The following VOPP1 variants were observed in gnomAD, a reference collection of about 807,000 sequenced individuals.
The protein encoded by VOPP1 is WW domain binding protein VOPP1.
A neutral mutation model predicts 23.5 loss-of-function variants in VOPP1; 8 were observed. The observed-to-expected ratio is 0.34, with a 90% CI of 0.20 to 0.61. The LOEUF (loss-of-function observed/expected upper bound fraction) is 0.61. Ranked by LOEUF, VOPP1 falls within the 20% of genes least tolerant of loss-of-function variation. VOPP1 has a pLI of 0.78. For synonymous variants in VOPP1, 83 were observed against 97.3 expected (o/e 0.85, Z 0.86); for missense variants, 174 against 238.1 (o/e 0.73, Z 1.77).
At chr7:55,439,638 C>G (rs973768530) in intron 4 of VOPP1, among the ~76,000 whole-genome samples, 2 of 152,120 alleles carry the variant, frequency 1.3e-5, no homozygotes, top group African/African-American at 4.8e-5. Flanking sequence ...GGCTGGTGTC[C>G]CGGGACTAGG....
At chr7:55,550,978 C>G (rs1797582596) in intron 1 of VOPP1, among the ~76,000 whole-genome samples, 1 of 152,118 alleles carries the variant, frequency 6.6e-6, no homozygotes, top group African/African-American at 2.4e-5. Context: ...AAAATGAGAA[C>G]TAAGAGACAC....
intron 1 of VOPP1, 43 bp from the exon 2 acceptor site, chr7:55,521,173 C>G (rs750086656): frequency 3.6e-5 from 55 of 1,540,638 alleles, no homozygotes; most frequent in Non-Finnish European, 4.8e-5. Context: ...ACTCAGGAAT[C>G]TGCATGTTGT....
chr7:55,508,221 A>G (rs147282884), intron 2 of VOPP1, among the ~76,000 whole-genome samples: 1,672 of 152,298 alleles, frequency 0.011, 11 homozygotes, highest in Middle Eastern at 0.02. Context: ...GGTAAGATGG[A>G]CCAAGAAGCT....
At chr7:55,435,280 G>A (rs550374940), downstream of VOPP1, among the ~76,000 whole-genome samples, 3 of 152,304 alleles carry the variant, frequency 2.0e-5, no homozygotes, top group South Asian at 2.1e-4. Flanking sequence ...TGTGTGACCC[G>A]AAAAAGGTGA....
At chr7:55,534,648 G>A (rs554533023) in intron 1 of VOPP1, among the ~76,000 whole-genome samples, 23 of 152,300 alleles carry the variant, frequency 1.5e-4, no homozygotes, top group Middle Eastern at 3.4e-3. Context: ...TCTTGCAGGT[G>A]TCCTGCCCAC....
At chr7:55,518,599 A>G (rs1374161209) in intron 2 of VOPP1, among the ~76,000 whole-genome samples, 1 of 152,184 alleles carries the variant, frequency 6.6e-6, no homozygotes, top group Non-Finnish European at 1.5e-5. Flanking sequence ...GGAATGATCA[A>G]AGGTCCCCTA....
downstream of VOPP1, among the ~76,000 whole-genome samples, chr7:55,469,729 C>T (rs565233034): frequency 3.9e-5 from 6 of 152,202 alleles, no homozygotes; most frequent in Non-Finnish European, 7.3e-5. Context: ...GTATGGCCTA[C>T]TAATTTGGGG....
At chr7:55,480,769 C>T (rs1792645336) in intron 4 of VOPP1, among the ~76,000 whole-genome samples, 2 of 152,208 alleles carry the variant, frequency 1.3e-5, no homozygotes, top group Non-Finnish European at 2.9e-5. Context: ...CTGTTGCATT[C>T]CTTTCACTGA....
In VOPP1 at chr7:55,516,019, G is replaced by A. The variant is rs562691174; in HGVS notation, c.113+5053C>T. The A allele has an allele frequency of 8.2e-5, 81 of 985,462 alleles. No individual in the cohort carries two copies. The South Asian group carries it at 1.2e-3, about 15-fold the overall frequency. The allele number at this position is 985,462 out of a possible 1,614,324, so 61.0% of individuals were successfully genotyped here. A position where few individuals can be genotyped will look rare whatever the true frequency, so the allele number is the denominator to read the frequency against. On this transcript the variant is annotated intron_variant, in intron 2 of 4. Coordinates refer to ENST00000285279, the MANE Select transcript of VOPP1 (RefSeq NM_030796.5). ...GTGCTGGCAAAGGAGCTGAGGAAGC[G>A]AGGCCCAAGCAGAAGCTCAACTCGA...
At chr7:55,439,602 C>T (rs556668798) in intron 4 of VOPP1, among the ~76,000 whole-genome samples, 3 of 152,310 alleles carry the variant, frequency 2.0e-5, no homozygotes, top group South Asian at 2.1e-4. Flanking sequence ...GCTGGAGTGA[C>T]GTCTCCAAGG....
At chr7:55,510,046 C>A (rs1794974717) in intron 2 of VOPP1, among the ~76,000 whole-genome samples, 1 of 152,058 alleles carries the variant, frequency 6.6e-6, no homozygotes, top group Admixed American at 6.5e-5. Context: ...TTTCTTGTGG[C>A]CCAATAATAA....
chr7:55,537,159 C>T (rs897707086), intron 1 of VOPP1, among the ~76,000 whole-genome samples: 2 of 152,162 alleles, frequency 1.3e-5, no homozygotes, highest in East Asian at 1.9e-4. Flanking sequence ...AGGCTCTGCC[C>T]CTCCGTCCCG....
At chr7:55,457,568 A>G (rs1487787561) in intron 4 of VOPP1, among the ~76,000 whole-genome samples, 2 of 152,038 alleles carry the variant, frequency 1.3e-5, no homozygotes, top group Non-Finnish European at 2.9e-5. Flanking sequence ...AGTGATTTAT[A>G]TATCCACCAA....
chr7:55,532,856 A>G (rs964807935), intron 1 of VOPP1, among the ~76,000 whole-genome samples: 8 of 152,202 alleles, frequency 5.3e-5, no homozygotes, highest in Admixed American at 3.9e-4. Context: ...CATTTTCATT[A>G]AATCTGGTAA....
intron 4 of VOPP1, among the ~76,000 whole-genome samples, chr7:55,460,855 AGTCT>A (rs1187683328): frequency 6.6e-6 from 1 of 152,074 alleles, no homozygotes; most frequent in Non-Finnish European, 1.5e-5. Context: ...CTTCACTTTC[AGTCT>A]GTATGTGTCT....
chr7:55,512,191 C>T (rs1388806779), intron 2 of VOPP1, among the ~76,000 whole-genome samples: 1 of 152,102 alleles, frequency 6.6e-6, no homozygotes. Context: ...TTTGGGAGGC[C>T]GAGGCAGGCG....
intron 3 of VOPP1, among the ~76,000 whole-genome samples, chr7:55,495,722 C>T (rs868191834): frequency 1.3e-5 from 2 of 152,184 alleles, no homozygotes; most frequent in Admixed American, 6.5e-5. Flanking sequence ...ATATCAGACC[C>T]GATGTTGATT....
chr7:55,527,537 A>C (rs1190815481), intron 1 of VOPP1, among the ~76,000 whole-genome samples: 1 of 152,088 alleles, frequency 6.6e-6, no homozygotes, highest in Admixed American at 6.6e-5. Context: ...ACTCTCCTAG[A>C]CTCTGAACAG....
At chr7:55,571,309 A>G (rs1160842230) in intron 1 of VOPP1, among the ~76,000 whole-genome samples, 1 of 152,262 alleles carries the variant, frequency 6.6e-6, no homozygotes, top group East Asian at 1.9e-4. Flanking sequence ...TAAAGGGCGA[A>G]GACAAACTAG....
Sources: allele counts gnomAD v4.1 joint callset (sites outside exome capture counted in the v4.1 genomes callset), GRCh38; gene constraint gnomAD v4.1.1; transcripts MANE v1.5; gene names NCBI Gene and HGNC (gene_info 2026-07-23, HGNC 2026-07-21).